Variants in DNM3 observed in about 807,000 individuals in gnomAD.
DNM3 encodes the protein dynamin 3.
In DNM3, 47 loss-of-function variants were observed where a neutral mutation model predicts 101.6. The ratio of observed to expected loss-of-function variants is 0.46; its 90% CI spans 0.37 to 0.59. DNM3 has a LOEUF of 0.59. Among genes scored for constraint, DNM3 ranks in the 20% least tolerant of loss-of-function variants. The pLI, the probability that DNM3 is intolerant of heterozygous loss-of-function variation, is 0.00. For synonymous variants in DNM3, 385 were observed against 387.9 expected, an observed-to-expected ratio of 0.99 and a Z score of 0.09; for missense variants, 849 against 1,085.7, an observed-to-expected ratio of 0.78 and a Z score of 3.06.
intron 15 of DNM3, among the ~76,000 whole-genome samples, chr1:172,300,555 A>G (rs2148845414): frequency 6.6e-6 from 1 of 152,338 alleles, no homozygotes; most frequent in East Asian, 1.9e-4. Flanking sequence ...AAAAATAAGC[A>G]ATGGGGAAAG....
chr1:172,121,838 A>T (rs934165781), intron 13 of DNM3, among the ~76,000 whole-genome samples: 1 of 152,146 alleles, frequency 6.6e-6, no homozygotes, highest in Non-Finnish European at 1.5e-5. Context: ...ATGAATATTA[A>T]ATATTGGTTC....
Position 172,411,108 on chromosome 1 carries a change from G to A in DNM3, c.*3267G>A. The A allele has an allele frequency of 3.1e-6, 3 of 981,878 alleles. No individual in the cohort carries two copies. Among genetic ancestry groups the A allele is most frequent in the Non-Finnish European group, 3.6e-6 (3 of 826,758 alleles). The allele number at this position is 981,878 out of a possible 1,614,324, so 60.8% of individuals were successfully genotyped here. On this transcript the variant is annotated 3_prime_UTR_variant, in exon 21 of 21. Coordinates refer to ENST00000627582, the MANE Select transcript of DNM3 (RefSeq NM_015569.5). ...TGTATATATATAAATATATGTATATGTATGGTTGTAAATATCTATGTATAC... is the reference window on the plus strand; with the variant it reads ...TGTATATATATAAATATATGTATATATATGGTTGTAAATATCTATGTATAC...
intron 14 of DNM3, among the ~76,000 whole-genome samples, chr1:172,156,085 G>T (rs1206185665): frequency 6.6e-6 from 1 of 152,062 alleles, no homozygotes; most frequent in East Asian, 1.9e-4. Flanking sequence ...GATGTTGGAG[G>T]ACTATATGGA....
intron 15 of DNM3, among the ~76,000 whole-genome samples, chr1:172,258,197 A>G (rs1169344748): frequency 6.6e-6 from 1 of 152,044 alleles, no homozygotes; most frequent in Non-Finnish European, 1.5e-5. Context: ...TAGAACATTT[A>G]GGTTGATTCC....
chr1:172,061,152 C>T (rs1176117273), intron 10 of DNM3, among the ~76,000 whole-genome samples: 4 of 150,658 alleles, frequency 2.7e-5, no homozygotes, highest in African/African-American at 4.9e-5. Flanking sequence ...AATGAGATAC[C>T]ATCTCACACC....
chr1:172,320,151 A>G (rs1210298846), intron 16 of DNM3, among the ~76,000 whole-genome samples: 5 of 147,860 alleles, frequency 3.4e-5, no homozygotes, highest in African/African-American at 5.0e-5. Context: ...GAAACACCAC[A>G]TGTTCTCACT....
At chr1:172,012,784 A>G (rs2047212498) in intron 4 of DNM3, among the ~76,000 whole-genome samples, 1 of 151,972 alleles carries the variant, frequency 6.6e-6, no homozygotes, top group Non-Finnish European at 1.5e-5. Context: ...TTTACCTAAT[A>G]TTTTACCTAG....
At chr1:172,255,363 A>C (rs1464355524) in intron 15 of DNM3, among the ~76,000 whole-genome samples, 2 of 152,118 alleles carry the variant, frequency 1.3e-5, no homozygotes, top group African/African-American at 4.8e-5. Context: ...GGAGATTCTA[A>C]AGCAATCATC....
At chr1:172,210,545 A>G (rs1357755581) in intron 14 of DNM3, among the ~76,000 whole-genome samples, 1 of 152,076 alleles carries the variant, frequency 6.6e-6, no homozygotes, top group Non-Finnish European at 1.5e-5. Flanking sequence ...AGATGCCTAA[A>G]GAGCAAGAAG....
chr1:172,089,270 A>G (rs914232258), intron 12 of DNM3, among the ~76,000 whole-genome samples: 1 of 152,210 alleles, frequency 6.6e-6, no homozygotes, highest in South Asian at 2.1e-4. Context: ...AACAAGAACT[A>G]TACCTTATTC....
At chr1:171,943,008 A>C (rs986182196) in intron 2 of DNM3, among the ~76,000 whole-genome samples, 2 of 152,120 alleles carry the variant, frequency 1.3e-5, no homozygotes, top group African/African-American at 4.8e-5. Flanking sequence ...GCTGCTCAGG[A>C]GGCTGAGGTC....
chr1:171,928,958 C>A, intron 2 of DNM3, among the ~76,000 whole-genome samples: 1 of 152,240 alleles, frequency 6.6e-6, no homozygotes, highest in East Asian at 1.9e-4. Flanking sequence ...GCCTGCCCCT[C>A]CCTCTGGGAG....
chr1:172,139,080 T>C (rs2057419766), intron 14 of DNM3: 1 of 352,346 alleles, frequency 2.8e-6, no homozygotes, highest in African/African-American at 2.2e-5. Context: ...AGAAAGTACA[T>C]TTATACATTT....
At chr1:171,981,408 GATTA>G (rs1416116115) in intron 2 of DNM3, among the ~76,000 whole-genome samples, 1 of 152,106 alleles carries the variant, frequency 6.6e-6, no homozygotes, top group African/African-American at 2.4e-5. Flanking sequence ...ACTTAACCTT[GATTA>G]ATTAAGACAT....
chr1:172,371,020 C>G (rs1558054754), intron 17 of DNM3, among the ~76,000 whole-genome samples: 2 of 152,004 alleles, frequency 1.3e-5, no homozygotes, highest in South Asian at 2.1e-4. Flanking sequence ...ACTACTGAAT[C>G]ACAAAGTCTT....
chr1:171,967,951 A>C (rs944390412), intron 2 of DNM3, among the ~76,000 whole-genome samples: 16 of 152,136 alleles, frequency 1.1e-4, no homozygotes, highest in Non-Finnish European at 2.1e-4. Flanking sequence ...GTGTTTATGC[A>C]AATTAAATTT....
intron 2 of DNM3, among the ~76,000 whole-genome samples, chr1:171,931,045 G>A (rs1228984383): frequency 6.6e-6 from 1 of 152,084 alleles, no homozygotes; most frequent in Admixed American, 6.5e-5. Flanking sequence ...GGCAACATAG[G>A]AAGCCCTCAT....
chr1:172,042,512 C>G (rs754155990), intron 8 of DNM3, among the ~76,000 whole-genome samples: 2 of 152,062 alleles, frequency 1.3e-5, no homozygotes, highest in Non-Finnish European at 1.5e-5. Context: ...AGACAAAATA[C>G]GAAAGTTTCA....
chr1:172,169,281 G>A (rs1373330887), intron 14 of DNM3, among the ~76,000 whole-genome samples: 1 of 151,468 alleles, frequency 6.6e-6, no homozygotes, highest in African/African-American at 2.4e-5. Flanking sequence ...AGCTTGAATG[G>A]GTCAAATACT....
Sources: allele counts gnomAD v4.1 joint callset (sites outside exome capture counted in the v4.1 genomes callset), GRCh38; gene constraint gnomAD v4.1.1; transcripts MANE v1.5; gene names NCBI Gene and HGNC (gene_info 2026-07-23, HGNC 2026-07-21).